Variants in OTOGL observed in about 807,000 individuals in gnomAD.
The protein encoded by OTOGL is otogelin-like protein.
In OTOGL, 285 loss-of-function variants were observed where a neutral mutation model predicts 318.5. That is an observed-to-expected ratio of 0.89 (90% CI 0.81 to 0.99). OTOGL has a LOEUF of 0.99. Among genes scored for constraint, OTOGL ranks in the 50% least tolerant of loss-of-function variants. The pLI is 0.00. For synonymous variants in OTOGL, 987 were observed against 936.5 expected (o/e 1.05, Z -0.99); for missense variants, 2,899 against 2,845.6 (o/e 1.02, Z -0.43).
intron 1 of OTOGL, among the ~76,000 whole-genome samples, chr12:80,188,152 T>G (rs1053824271): frequency 6.6e-6 from 1 of 152,192 alleles, no homozygotes; most frequent in African/African-American, 2.4e-5. Context: ...ATATTTGTCA[T>G]GCACTTGGAT....
chr12:80,107,659 T>C lies in OTOGL; in HGVS notation c.-20+8054T>C, dbSNP rs1869535981. 2.0e-5 allele frequency among the ~76,000 whole-genome samples: 3 copies of C among 152,096 alleles called. No homozygotes were observed. In the South Asian group the frequency reaches 6.2e-4, roughly 32 times the overall value. On this transcript the variant is annotated intron_variant, in intron 1 of 58. Coordinates refer to ENST00000547103, the MANE Select transcript of OTOGL (RefSeq NM_001378609.3). The stretch of plus-strand genomic sequence containing the variant: ...AAAGACACATGTACACATACGTTCA[T>C]TGCAGCGCTGTTTACAAAAACAAAG...
At chr12:80,348,996 G>A (rs1315908052) in intron 44 of OTOGL, among the ~76,000 whole-genome samples, 2 of 152,148 alleles carry the variant, frequency 1.3e-5, no homozygotes, top group Admixed American at 1.3e-4. Context: ...TGCCTGATAT[G>A]TAGTTAGGTT....
At chr12:80,254,341 A>AT (rs1292459361) in intron 14 of OTOGL, among the ~76,000 whole-genome samples, 183 bp from the exon 15 acceptor site, 4 of 146,016 alleles carry the variant, frequency 2.7e-5, no homozygotes, top group African/African-American at 9.9e-5. Context: ...TGCAGAGATG[A>AT]TTTTTTTATT....
chr12:80,160,298 T>C (rs965840780), intron 1 of OTOGL, among the ~76,000 whole-genome samples: 4 of 151,650 alleles, frequency 2.6e-5, no homozygotes, highest in African/African-American at 7.3e-5. Context: ...GCAGAGTAAA[T>C]AGACAACCCA....
intron 1 of OTOGL, among the ~76,000 whole-genome samples, chr12:80,192,619 A>G (rs1484141111): frequency 6.6e-6 from 1 of 152,204 alleles, no homozygotes; most frequent in Non-Finnish European, 1.5e-5. Context: ...CCCAACTGCC[A>G]CTCTGGTCAC....
chr12:80,178,431 C>G (rs1476977810), intron 1 of OTOGL, among the ~76,000 whole-genome samples: 1 of 152,090 alleles, frequency 6.6e-6, no homozygotes, highest in East Asian at 1.9e-4. Flanking sequence ...CAAACATGCA[C>G]AAATCAATAC....
intron 1 of OTOGL, among the ~76,000 whole-genome samples, chr12:80,173,672 A>C (rs551222260): frequency 6.6e-6 from 1 of 152,282 alleles, no homozygotes; most frequent in South Asian, 2.1e-4. Context: ...GCAGCCCAAT[A>C]GGTCTCAGCC....
At chr12:80,153,512 T>A (rs77697995) in intron 1 of OTOGL, among the ~76,000 whole-genome samples, 3,704 of 152,256 alleles carry the variant, frequency 0.024, 155 homozygotes, top group African/African-American at 0.085. Context: ...CCCACCAGAG[T>A]GGCACATTTG....
chr12:80,356,961 G>GAA (rs5799468), intron 49 of OTOGL, 47 bp downstream of exon 49: 82 of 1,143,404 alleles, frequency 7.2e-5, no homozygotes, highest in Middle Eastern at 2.1e-4. Flanking sequence ...AAGGATCTAG[G>GAA]AAAAAAATCT....
At chr12:80,190,489 G>C (rs1385994950) in intron 1 of OTOGL, among the ~76,000 whole-genome samples, 1 of 152,148 alleles carries the variant, frequency 6.6e-6, no homozygotes, top group African/African-American at 2.4e-5. Context: ...TGACATCTCA[G>C]TTTAAGAGTG....
chr12:80,148,655 A>C (rs1205865113), intron 1 of OTOGL, among the ~76,000 whole-genome samples: 1 of 152,130 alleles, frequency 6.6e-6, no homozygotes, highest in Non-Finnish European at 1.5e-5. Flanking sequence ...GTGTTTTTCA[A>C]CTTGGTTCCA....
In OTOGL at chr12:80,318,739, T is replaced by A. The variant is rs150039178; in HGVS notation, c.3802+26T>A. On this transcript the variant is annotated intron_variant, in intron 33 of 58. Coordinates refer to ENST00000547103, the MANE Select transcript of OTOGL (RefSeq NM_001378609.3). ...GTAAGTATAATTGAAAATAAGAGTTTAGCTTTCCAATTACATTTTAAAATT... is the reference window on the plus strand; with the variant it reads ...GTAAGTATAATTGAAAATAAGAGTTAAGCTTTCCAATTACATTTTAAAATT... 4.5e-3 allele frequency: 5,417 copies of A among 1,192,182 alleles called. 30 individuals are homozygous for A. Among genetic ancestry groups the A allele is most frequent in the Middle Eastern group, 0.013 (47 of 3,688 alleles). The allele number at this position is 1,192,182 out of a possible 1,614,324, so 73.9% of individuals were successfully genotyped here.
At chr12:80,154,324 G>A (rs10778718) in intron 1 of OTOGL, among the ~76,000 whole-genome samples, 85,704 of 151,766 alleles carry the variant, frequency 0.56, 25,493 homozygotes, top group African/African-American at 0.77. Flanking sequence ...GGGGGAAAAA[G>A]AAAGCTTGGA....
chr12:80,218,011 T>A lies in OTOGL; in HGVS notation c.235+347T>A, dbSNP rs538648272. Among the ~76,000 whole-genome samples the A allele has an allele frequency of 1.3e-5, 2 of 152,316 alleles. 1 individual carries two copies. Among genetic ancestry groups the A allele is most frequent in the South Asian group, 4.1e-4 (2 of 4,830 alleles). On this transcript the variant is annotated intron_variant, in intron 5 of 58. Transcript: ENST00000547103. ...GCAGAATGCTGATGGTAGTTTGAAATTTAATTTGAGTGGTAACTATGAAAT... is the reference window on the plus strand; with the variant it reads ...GCAGAATGCTGATGGTAGTTTGAAAATTAATTTGAGTGGTAACTATGAAAT...
intron 1 of OTOGL, among the ~76,000 whole-genome samples, chr12:80,192,813 T>C (rs1344337244): frequency 6.6e-6 from 1 of 152,162 alleles, no homozygotes; most frequent in Admixed American, 6.5e-5. Context: ...TAAGTGGTTG[T>C]TAGAAATCAT....
intron 1 of OTOGL, among the ~76,000 whole-genome samples, chr12:80,129,876 A>G (rs1403030009): frequency 6.6e-6 from 1 of 152,120 alleles, no homozygotes. Flanking sequence ...TTGTTCCCTT[A>G]ACTTCCATGA....
intron 26 of OTOGL, among the ~76,000 whole-genome samples, chr12:80,281,892 T>C (rs1222649229): frequency 6.6e-6 from 1 of 151,850 alleles, no homozygotes; most frequent in Non-Finnish European, 1.5e-5. Flanking sequence ...ATTTTTATTG[T>C]TATTAACTTG....
At position 80,339,265 on chromosome 12, in the gene OTOGL, G is replaced by T. The variant is rs2137928189; in HGVS notation, c.5050+1G>T. ...TCATCCTACACAGAAGGACTCTGTG[G>T]TGAGCGCTGCCCTTCAAATCTTGAT... On this transcript the variant is annotated splice_donor_variant, in intron 43 of 58. Transcript: ENST00000547103. LOFTEE classifies it high-confidence loss of function. 6.4e-7 allele frequency: 1 copy of T among 1,555,688 alleles called. No individual in the cohort carries two copies. The highest frequency in any genetic ancestry group is 8.8e-7 in the Non-Finnish European group (1 of 1,138,828).
intron 37 of OTOGL, 103 bp downstream of exon 37, chr12:80,329,222 C>T (rs926700523): frequency 1.5e-5 from 13 of 889,440 alleles, no homozygotes; most frequent in Non-Finnish European, 1.9e-5. Context: ...ATTAATACTA[C>T]CTATGGGCTA....
Sources: allele counts gnomAD v4.1 joint callset (sites outside exome capture counted in the v4.1 genomes callset), GRCh38; gene constraint gnomAD v4.1.1; transcripts MANE v1.5; gene names NCBI Gene and HGNC (gene_info 2026-07-23, HGNC 2026-07-21).